PARL: variants seen among roughly 807,000 people sequenced by gnomAD.
PARL encodes presenilin associated rhomboid like.
A neutral mutation model predicts 51.6 loss-of-function variants in PARL; 44 were observed. The ratio of observed to expected loss-of-function variants is 0.85; its 90% CI spans 0.67 to 1.10. The LOEUF (loss-of-function observed/expected upper bound fraction) is 1.10, where lower values mean the gene tolerates loss of function less well. Among genes scored for constraint, PARL ranks in the 50% least tolerant of loss-of-function variants. The pLI is 0.00. For missense variants in PARL, 441 were observed against 469.5 expected, an observed-to-expected ratio of 0.94 and a Z score of 0.56; for synonymous variants, 172 against 164.0, an observed-to-expected ratio of 1.05 and a Z score of -0.37.
chr3:183,846,213 G>T (rs990814400), intron 4 of PARL, among the ~76,000 whole-genome samples: 1 of 152,074 alleles, frequency 6.6e-6, no homozygotes, highest in Non-Finnish European at 1.5e-5. Flanking sequence ...GATAAAGGCC[G>T]GGTGCGGTGG....
At chr3:183,879,373 G>A (rs2108717973) in intron 1 of PARL, among the ~76,000 whole-genome samples, 1 of 152,160 alleles carries the variant, frequency 6.6e-6, no homozygotes, top group South Asian at 2.1e-4. Flanking sequence ...TTTTTTTTCT[G>A]CTAGATTTGC....
At chr3:183,876,352 A>G (rs1733802383) in intron 1 of PARL, among the ~76,000 whole-genome samples, 1 of 151,946 alleles carries the variant, frequency 6.6e-6, no homozygotes, top group African/African-American at 2.4e-5. Flanking sequence ...CAAACGGTTT[A>G]CCAAATATTT....
chr3:183,829,384 A>T lies in PARL; in HGVS notation c.*214T>A. 3 of 1,464,758 alleles carry T rather than the reference A, an allele frequency of 2.0e-6. No individual in the cohort carries two copies. The highest frequency in any genetic ancestry group is 2.7e-6 in the Non-Finnish European group (3 of 1,111,792). The allele number at this position is 1,464,758 out of a possible 1,614,324, so 90.7% of individuals were successfully genotyped here. ...GGCCCCTTAAAGAGAGAACACACAC[A>T]TCTGCTTACAAACTAGATAGAAACC... On this transcript the variant is annotated 3_prime_UTR_variant, in exon 10 of 10. Coordinates refer to ENST00000317096, the MANE Select transcript of PARL (RefSeq NM_018622.7).
intron 7 of PARL, among the ~76,000 whole-genome samples, chr3:183,840,099 T>C (rs1390879382): frequency 6.6e-6 from 1 of 152,194 alleles, no homozygotes; most frequent in East Asian, 1.9e-4. Context: ...GTTGTTGTTG[T>C]TCCCCACTTT....
intron 4 of PARL, among the ~76,000 whole-genome samples, chr3:183,859,349 T>C (rs1156312822): frequency 1.3e-5 from 2 of 152,126 alleles, no homozygotes; most frequent in East Asian, 3.9e-4. Flanking sequence ...GTTTTTGTTG[T>C]TGTTTTGAGA....
At chr3:183,872,853 G>C (rs950568231) in intron 1 of PARL, among the ~76,000 whole-genome samples, 1 of 152,136 alleles carries the variant, frequency 6.6e-6, no homozygotes, top group East Asian at 1.9e-4. Context: ...GCCTAGAGAC[G>C]AGGCAGTCAT....
At chr3:183,873,029 G>A (rs1435145476) in intron 1 of PARL, among the ~76,000 whole-genome samples, 1 of 152,010 alleles carries the variant, frequency 6.6e-6, no homozygotes, top group African/African-American at 2.4e-5. Context: ...ATGTATTCCT[G>A]GTATAATTTT....
rs1553906120 is a variant in PARL, at chr3:183,882,253, A to ATATATATT, written c.125+2468_125+2469insAATATATA. Among the ~76,000 whole-genome samples the ATATATATT allele has an allele frequency of 1.7e-4, 9 of 53,384 alleles. No homozygotes were observed. The South Asian group carries it at 2.8e-3, about 17-fold the overall frequency. The allele number at this position is 53,384 out of a possible 152,430, so 35.0% of individuals were successfully genotyped here. A position where few individuals can be genotyped will look rare whatever the true frequency, so the allele number is the denominator to read the frequency against. ...TATATATATATATATATTTATATATATATATATATATATATTTATATATAT... is the reference window on the plus strand; with the variant it reads ...TATATATATATATATATTTATATATATATATATTTATATATATATATATTTATATATAT... On this transcript the variant is annotated intron_variant, in intron 1 of 9. Coordinates refer to ENST00000317096, the MANE Select transcript of PARL (RefSeq NM_018622.7).
At chr3:183,846,186 C>T (rs1451680265) in intron 4 of PARL, among the ~76,000 whole-genome samples, 1 of 151,804 alleles carries the variant, frequency 6.6e-6, no homozygotes, top group African/African-American at 2.4e-5. Flanking sequence ...AAGGAAAATA[C>T]ATGAAAAAAA....
downstream of PARL, among the ~76,000 whole-genome samples, chr3:183,827,037 A>C (rs2108567411): frequency 6.6e-6 from 1 of 151,824 alleles, no homozygotes; most frequent in South Asian, 2.1e-4. Flanking sequence ...GGAAAGCTGG[A>C]CTCGCCACCT....
At chr3:183,834,327 T>C (rs1424410141) in intron 7 of PARL, among the ~76,000 whole-genome samples, 1 of 152,138 alleles carries the variant, frequency 6.6e-6, no homozygotes, top group Non-Finnish European at 1.5e-5. Context: ...GGCATGAGGA[T>C]CCCTTAAGCC....
At chr3:183,864,935 C>T (rs571830603) in intron 3 of PARL, among the ~76,000 whole-genome samples, 11 of 140,380 alleles carry the variant, frequency 7.8e-5, no homozygotes, top group African/African-American at 2.4e-4. Flanking sequence ...TATTTCATCT[C>T]GAGCACAGTT....
intron 4 of PARL, among the ~76,000 whole-genome samples, chr3:183,860,767 T>C (rs1011272797): frequency 1.3e-5 from 2 of 151,722 alleles, no homozygotes; most frequent in African/African-American, 4.8e-5. Flanking sequence ...GCTTTGAAAA[T>C]AGTGAAGGCA....
chr3:183,879,779 C>A (rs747942105), intron 1 of PARL: 37 of 648,360 alleles, frequency 5.7e-5, no homozygotes, highest in Non-Finnish European at 7.1e-5. Context: ...TGCAGTGGCA[C>A]CATCTCAACT....
chr3:183,883,328 G>A (rs1734768231), intron 1 of PARL, among the ~76,000 whole-genome samples: 1 of 152,186 alleles, frequency 6.6e-6, no homozygotes, highest in African/African-American at 2.4e-5. Context: ...AAGTGCAATG[G>A]CACGATCTCG....
At chr3:183,857,112 C>G (rs1279238214) in intron 4 of PARL, among the ~76,000 whole-genome samples, 10 of 152,058 alleles carry the variant, frequency 6.6e-5, no homozygotes, top group African/African-American at 2.4e-4. Context: ...ACCTGTAATC[C>G]CAGCAATTTG....
chr3:183,838,795 T>C (rs1728961848), intron 7 of PARL, among the ~76,000 whole-genome samples: 1 of 152,210 alleles, frequency 6.6e-6, no homozygotes, highest in African/African-American at 2.4e-5. Context: ...TTCTTATCTA[T>C]AAGATGAGGA....
rs772338769 is a variant in PARL, at chr3:183,829,643, A to G, written c.1095T>C (p.His365=). 6.2e-6 allele frequency: 10 copies of G among 1,613,966 alleles called. No homozygotes were observed. The East Asian group carries it at 2.0e-4, about 32-fold the overall frequency. Reference sequence around the variant, plus strand: ...TTTTGGGGCCATTAGTCCTTATTTCATGCCAGATTTTCACTAGCGGCTCCC... The same window carrying G: ...TTTTGGGGCCATTAGTCCTTATTTCGTGCCAGATTTTCACTAGCGGCTCCC... ...KNREPLVKIW[H]EIRTNGPKKG... is the part of the protein sequence containing the mutation. The change falls in exon 10 of 10, where the codon CAT becomes CAC. Residue 365 remains histidine (H), a synonymous_variant. Transcript: ENST00000317096.
chr3:183,867,858 C>T lies in PARL; in HGVS notation c.321+7G>A, dbSNP rs778869488. On this transcript the variant is annotated splice_region_variant and intron_variant, in intron 2 of 9. Coordinates refer to ENST00000317096, the MANE Select transcript of PARL (RefSeq NM_018622.7). ...GGTAGGTAACTCCTAGCAAAGTGAG[C>T]TCTTACCCCAACAGTAAAAAATAAA... 1 of 1,601,918 alleles carries T rather than the reference C, an allele frequency of 6.2e-7. No homozygotes were observed. The highest frequency in any genetic ancestry group is 1.1e-5 in the South Asian group (1 of 90,796).
Sources: gnomAD v4.1 joint callset for allele counts (sites outside exome capture counted in the v4.1 genomes callset) on GRCh38, gnomAD v4.1.1 for gene constraint, MANE v1.5 for transcripts, NCBI Gene and HGNC (gene_info 2026-07-23, HGNC 2026-07-21) for gene names.